FRMD5: variants seen among roughly 807,000 people sequenced by gnomAD.
FRMD5 encodes FERM domain-containing protein 5.
A neutral mutation model predicts 69.0 loss-of-function variants in FRMD5; 20 were observed. The observed-to-expected ratio is 0.29, with a 90% CI of 0.20 to 0.42. The LOEUF (loss-of-function observed/expected upper bound fraction) is 0.42, where lower values mean the gene tolerates loss of function less well. FRMD5 is among the 10% of genes least tolerant of loss of function. FRMD5 has a pLI of 1.00. For synonymous variants in FRMD5, 271 were observed against 260.1 expected, an observed-to-expected ratio of 1.04 and a Z score of -0.40; for missense variants, 595 against 708.6, an observed-to-expected ratio of 0.84 and a Z score of 1.82.
intron 11 of FRMD5, among the ~76,000 whole-genome samples, chr15:43,885,443 T>A (rs1283709634): frequency 1.3e-5 from 2 of 152,212 alleles, no homozygotes; most frequent in Non-Finnish European, 2.9e-5. Flanking sequence ...CCCAGAGTGC[T>A]GGGATTATAG....
At chr15:43,927,103 T>C (rs12915783) in intron 1 of FRMD5, among the ~76,000 whole-genome samples, 27 of 152,230 alleles carry the variant, frequency 1.8e-4, no homozygotes, top group Non-Finnish European at 3.8e-4. Flanking sequence ...CAAGTATGCC[T>C]ACGCTCCCTT....
chr15:43,905,431 C>T (rs1269434939), intron 6 of FRMD5, among the ~76,000 whole-genome samples: 8 of 152,004 alleles, frequency 5.3e-5, no homozygotes, highest in African/African-American at 1.9e-4. Context: ...GCCACCGCGC[C>T]TGGCCTTTTT....
intron 1 of FRMD5, among the ~76,000 whole-genome samples, chr15:44,019,798 A>G (rs1891135032): frequency 6.6e-6 from 1 of 151,384 alleles, no homozygotes; most frequent in African/African-American, 2.4e-5. Context: ...AGAAAGAAAA[A>G]AAAGAACAAG....
At chr15:44,079,417 G>C (rs1216287352) in intron 1 of FRMD5, among the ~76,000 whole-genome samples, 1 of 152,114 alleles carries the variant, frequency 6.6e-6, no homozygotes, top group African/African-American at 2.4e-5. Flanking sequence ...CAATTGAGCT[G>C]GGTGCTGGTC....
At chr15:44,098,701 C>T (rs2076592212) in intron 1 of FRMD5, among the ~76,000 whole-genome samples, 2 of 152,148 alleles carry the variant, frequency 1.3e-5, no homozygotes, top group African/African-American at 4.8e-5. Context: ...CTTGAAGAGA[C>T]CCTGTCACAG....
chr15:43,958,975 A>G (rs1200094718), intron 1 of FRMD5, among the ~76,000 whole-genome samples: 1 of 152,164 alleles, frequency 6.6e-6, no homozygotes, highest in East Asian at 1.9e-4. Flanking sequence ...TACAAACAAC[A>G]CTGACATCAA....
rs1385192903 is a variant in FRMD5 at position 43,958,077 on chromosome 15, T to C, written c.103-33768A>G. Among the ~76,000 whole-genome samples the C allele has an allele frequency of 5.9e-5, 9 of 152,224 alleles. No individual in the cohort carries two copies. The East Asian group carries it at 1.7e-3, about 29-fold the overall frequency. ...TCTAAGAGAATCTGAATTTTGTCTT[T>C]CAGGTTTTTCTTGGTCTTATTTATG... On this transcript the variant is annotated intron_variant, in intron 1 of 13. Coordinates refer to ENST00000417257, the MANE Select transcript of FRMD5 (RefSeq NM_032892.5).
chr15:44,151,439 A>G (rs561786676), intron 1 of FRMD5, among the ~76,000 whole-genome samples: 68 of 151,918 alleles, frequency 4.5e-4, no homozygotes, highest in Non-Finnish European at 8.8e-4. Flanking sequence ...AAGAATTAAC[A>G]CACAAAAATC....
At chr15:44,010,578 T>A (rs1293929355) in intron 1 of FRMD5, among the ~76,000 whole-genome samples, 1 of 151,992 alleles carries the variant, frequency 6.6e-6, no homozygotes, top group Non-Finnish European at 1.5e-5. Context: ...AGAGACAGGG[T>A]TTCACCATGT....
intron 1 of FRMD5, among the ~76,000 whole-genome samples, chr15:44,178,450 C>G (rs994405254): frequency 6.6e-6 from 1 of 152,210 alleles, no homozygotes; most frequent in Non-Finnish European, 1.5e-5. Context: ...CTCACCCTTA[C>G]TGAGTTCTAT....
intron 13 of FRMD5, chr15:43,879,833 C>T (rs1054666485): frequency 4.3e-5 from 17 of 394,054 alleles, no homozygotes; most frequent in South Asian, 1.4e-4. Context: ...CAGTGCCTCG[C>T]GTGTTGCAGG....
chr15:43,984,240 T>C (rs765580223), intron 1 of FRMD5, among the ~76,000 whole-genome samples: 1 of 152,068 alleles, frequency 6.6e-6, no homozygotes, highest in Non-Finnish European at 1.5e-5. Context: ...AAGGCCAGAG[T>C]CTTCAGTTGT....
intron 1 of FRMD5, among the ~76,000 whole-genome samples, chr15:44,105,418 C>A (rs1336120349): frequency 6.6e-6 from 1 of 152,136 alleles, no homozygotes; most frequent in African/African-American, 2.4e-5. Context: ...TTCTTTAAAA[C>A]ACCTGTGCTA....
intron 1 of FRMD5, among the ~76,000 whole-genome samples, chr15:44,186,375 G>A (rs1035846435): frequency 1.3e-5 from 2 of 152,156 alleles, no homozygotes; most frequent in African/African-American, 4.8e-5. Flanking sequence ...ATTAGACTGA[G>A]GCCCAGACTA....
At chr15:43,918,616 C>T (rs1051273357) in intron 4 of FRMD5, among the ~76,000 whole-genome samples, 1 of 152,288 alleles carries the variant, frequency 6.6e-6, no homozygotes, top group Non-Finnish European at 1.5e-5. Flanking sequence ...TTAGAGCTGA[C>T]AGTCCTATCT....
intron 1 of FRMD5, 138 bp from the exon 2 acceptor site, chr15:43,924,447 C>T (rs1419811662): frequency 3.1e-6 from 2 of 637,448 alleles, no homozygotes; most frequent in East Asian, 5.5e-5. Flanking sequence ...CTATGTCCTC[C>T]ACATTGTGAT....
intron 1 of FRMD5, among the ~76,000 whole-genome samples, chr15:44,076,892 T>C (rs1212839746): frequency 6.6e-6 from 1 of 151,948 alleles, no homozygotes; most frequent in Non-Finnish European, 1.5e-5. Flanking sequence ...CAGAAATGGG[T>C]ATCTTAGAGT....
chr15:44,156,517 T>A (rs2077530887), intron 1 of FRMD5, among the ~76,000 whole-genome samples: 1 of 152,236 alleles, frequency 6.6e-6, no homozygotes, highest in Non-Finnish European at 1.5e-5. Context: ...TGAGGATTTT[T>A]TAGTAGCTTT....
chr15:44,169,268 A>G (rs777773753), intron 1 of FRMD5, among the ~76,000 whole-genome samples: 14 of 152,172 alleles, frequency 9.2e-5, no homozygotes, highest in African/African-American at 3.1e-4. Flanking sequence ...GCTATACCCT[A>G]TCTTCCACAA....
Sources: gnomAD v4.1 joint callset for allele counts (sites outside exome capture counted in the v4.1 genomes callset) on GRCh38, gnomAD v4.1.1 for gene constraint, MANE v1.5 for transcripts, NCBI Gene and HGNC (gene_info 2026-07-23, HGNC 2026-07-21) for gene names.